SH3PXD2A: variants seen among roughly 807,000 people sequenced by gnomAD.
The protein encoded by SH3PXD2A is SH3 and PX domain-containing protein 2A.
SH3PXD2A carries 32 observed loss-of-function variants against 115.2 expected under a neutral mutation model. That is an observed-to-expected ratio of 0.28 (90% CI 0.21 to 0.37). The LOEUF (loss-of-function observed/expected upper bound fraction) is 0.37, where lower values mean the gene tolerates loss of function less well. Ranked by LOEUF, SH3PXD2A falls within the 10% of genes least tolerant of loss-of-function variation. The probability of loss-of-function intolerance (pLI) is 1.00; values close to 1 mark genes in which losing one functional copy is unlikely to be tolerated. For synonymous variants in SH3PXD2A, 610 were observed against 629.1 expected, an observed-to-expected ratio of 0.97 and a Z score of 0.45; for missense variants, 1,328 against 1,498.7, an observed-to-expected ratio of 0.89 and a Z score of 1.88.
intron 3 of SH3PXD2A, among the ~76,000 whole-genome samples, chr10:103,752,787 T>C (rs2038593476): frequency 6.6e-6 from 1 of 152,236 alleles, no homozygotes; most frequent in African/African-American, 2.4e-5. Flanking sequence ...ATATCTGTGA[T>C]GATTATCATT....
At chr10:103,711,754 T>C (rs1249312428) in intron 5 of SH3PXD2A, among the ~76,000 whole-genome samples, 1 of 152,122 alleles carries the variant, frequency 6.6e-6, no homozygotes, top group Non-Finnish European at 1.5e-5. Context: ...TTTGGAAGAA[T>C]ATAAAATGTC....
intron 1 of SH3PXD2A, among the ~76,000 whole-genome samples, chr10:103,832,370 G>GAAAAA (rs58886791): frequency 1.6e-5 from 2 of 128,046 alleles, no homozygotes; most frequent in African/African-American, 3.0e-5. Flanking sequence ...AACCTAAAAA[G>GAAAAA]AAAAAAAAAA....
Position 103,738,887 on chromosome 10 carries a change from C to T in SH3PXD2A, c.230-3079G>A, listed in dbSNP as rs554944936. Among the ~76,000 whole-genome samples, 166 of 152,040 alleles carry T rather than the reference C, an allele frequency of 1.1e-3. 1 individual carries two copies. The South Asian group carries it at 0.012, about 11-fold the overall frequency. ...TCAGCTCACTGCAGCCTCTGCCTCC[C>T]GGGTTCAAGCAATTCTCCTACTTCA... is the stretch of plus-strand genomic sequence containing the variant. On this transcript the variant is annotated intron_variant, in intron 3 of 14. Transcript: ENST00000369774.
chr10:103,758,668 C>T (rs2038667843), intron 3 of SH3PXD2A, among the ~76,000 whole-genome samples: 1 of 152,182 alleles, frequency 6.6e-6, no homozygotes, highest in African/African-American at 2.4e-5. Flanking sequence ...TGAAAACTGC[C>T]CGTCCAGATT....
Position 103,622,536 on chromosome 10 carries a change from C to A in SH3PXD2A, c.736G>T (p.Ala246Ser). Residue 246 changes from alanine to serine, a missense_variant, in exon 10 of 15, where the codon GCC (alanine) becomes TCC (serine). Ala to Ser is a moderately conservative substitution (Grantham distance 99). Around this residue, in one of 5 missense-constraint regions of SH3PXD2A, gnomAD observed 509 missense variants for 628.3 expected, o/e 0.81. Coordinates refer to ENST00000369774, the MANE Select transcript of SH3PXD2A (RefSeq NM_001394015.1). The stretch of plus-strand genomic sequence containing the variant: ...CGGCGATCCAGGCGCCGCAGATGGG[C>A]CTTGCGTCTCTTGGACACTGGTGTG... ...KTGEVSKRRK[A>S]HLRRLDRRWT... 1 of 1,550,202 alleles carries A rather than the reference C, an allele frequency of 6.5e-7. No homozygotes were observed. The highest frequency in any genetic ancestry group is 8.7e-7 in the Non-Finnish European group (1 of 1,146,758).
rs748881031 is a variant in SH3PXD2A at position 103,603,272 on chromosome 10, G to T, written c.1946C>A (p.Ser649Ter). The change falls in exon 15 of 15, where the codon TCG becomes TAG. Residue 649 changes from serine (S) to a stop codon, truncating the protein, a stop_gained. Coordinates refer to ENST00000369774, the MANE Select transcript of SH3PXD2A (RefSeq NM_001394015.1). LOFTEE classifies it high-confidence loss of function. Reference sequence around the variant, plus strand: ...GGAGTTTTTCCTGGTCAGGGACAGCGAGGAGCTGCCTGGGGAGTCGCTGTC... The same window carrying T: ...GGAGTTTTTCCTGGTCAGGGACAGCTAGGAGCTGCCTGGGGAGTCGCTGTC... ...SGDSDSPGSS[S>*]LSLTRKNSPK... 1 of 1,614,068 alleles carries T rather than the reference G, an allele frequency of 6.2e-7. No individual in the cohort carries two copies. The highest frequency in any genetic ancestry group is 8.5e-7 in the Non-Finnish European group (1 of 1,180,008).
intron 8 of SH3PXD2A, among the ~76,000 whole-genome samples, chr10:103,629,628 T>A (rs920440459): frequency 2.0e-5 from 3 of 152,210 alleles, no homozygotes; most frequent in African/African-American, 7.2e-5. Flanking sequence ...TGTTCTGACA[T>A]TTGGATAAAC....
intron 2 of SH3PXD2A, among the ~76,000 whole-genome samples, chr10:103,788,638 G>A (rs150677163): frequency 0.013 from 1,956 of 152,208 alleles, 51 homozygotes; most frequent in African/African-American, 0.045. Flanking sequence ...AGGCCGAGAC[G>A]GGCGGATCAC....
intron 11 of SH3PXD2A, among the ~76,000 whole-genome samples, chr10:103,614,569 C>T (rs2036479525): frequency 6.6e-6 from 1 of 152,222 alleles, no homozygotes; most frequent in Non-Finnish European, 1.5e-5. Flanking sequence ...TCGATGACTT[C>T]TGAAAACAAG....
chr10:103,757,719 G>A (rs1165810639), intron 3 of SH3PXD2A, among the ~76,000 whole-genome samples: 1 of 152,206 alleles, frequency 6.6e-6, no homozygotes, highest in Non-Finnish European at 1.5e-5. Flanking sequence ...AGTCTGGAAG[G>A]TAGTGACAGT....
At chr10:103,798,952 C>G (rs1225674073) in intron 2 of SH3PXD2A, among the ~76,000 whole-genome samples, 1 of 152,228 alleles carries the variant, frequency 6.6e-6, no homozygotes, top group African/African-American at 2.4e-5. Context: ...CTGCTAACAC[C>G]AGGCAACTCA....
At chr10:103,810,938 ACAGGCGCGCGCGCG>A (rs1445700274) in intron 1 of SH3PXD2A, among the ~76,000 whole-genome samples, 5 of 4,366 alleles carry the variant, frequency 1.1e-3, no homozygotes, top group Admixed American at 2.7e-3. Flanking sequence ...ACACATGGAC[ACAGGCGCGCGCGCG>A]CACACACACA....
rs759297756 is a variant in SH3PXD2A at position 103,693,042 on chromosome 10, G to C, written c.413C>G (p.Ser138Cys). 1 of 1,613,428 alleles carries C rather than the reference G, an allele frequency of 6.2e-7. No homozygotes were observed. The highest frequency in any genetic ancestry group is 8.5e-7 in the Non-Finnish European group (1 of 1,179,644). The change falls in exon 6 of 15, where the codon TCC becomes TGC. Residue 138 changes from serine to cysteine, a missense_variant. This residue lies in a region of SH3PXD2A where 90 missense variants were observed against 71.1 expected (regional missense o/e 1.27). Coordinates refer to ENST00000369774, the MANE Select transcript of SH3PXD2A (RefSeq NM_001394015.1). ...GGCTCCCTTACCTGATTTCCTCTTG[G>C]AACTGCCATAGTCCCTGAAAAAGAA... is the stretch of plus-strand genomic sequence containing the variant. ...VNPPKEDYGS[S>C]KRKSVWLSSW...
chr10:103,633,997 G>A (rs974579162), intron 8 of SH3PXD2A, among the ~76,000 whole-genome samples: 2 of 152,286 alleles, frequency 1.3e-5, no homozygotes, highest in East Asian at 3.9e-4. Context: ...TGCCCAGCGG[G>A]CCCCTGTGCC....
In SH3PXD2A at chr10:103,666,648, G is replaced by A. The variant is rs7917107; in HGVS notation, c.472+1960C>T. 0.049 allele frequency among the ~76,000 whole-genome samples: 7,450 copies of A among 152,310 alleles called. 584 individuals carry two copies. The highest frequency in any genetic ancestry group is 0.17 in the African/African-American group (6,982 of 41,540). On this transcript the variant is annotated intron_variant, in intron 7 of 14. Coordinates refer to ENST00000369774, the MANE Select transcript of SH3PXD2A (RefSeq NM_001394015.1). The surrounding 1 kb of genome is among the most constrained non-coding windows in gnomAD (Gnocchi z 4.5). Reference sequence around the variant, plus strand: ...AGCTCTGAGATCCTGGGGAGGACACGTAACCTCTCTTGAGCTTTAGTGTCA... The same window carrying A: ...AGCTCTGAGATCCTGGGGAGGACACATAACCTCTCTTGAGCTTTAGTGTCA...
rs1286369468 is a variant in SH3PXD2A at position 103,601,168 on chromosome 10, A to AGAT, written c.*645_*647dup. 1 of 152,286 alleles carries AGAT rather than the reference A, an allele frequency of 6.6e-6. No individual in the cohort carries two copies. The highest frequency in any genetic ancestry group is 1.5e-5 in the Non-Finnish European group (1 of 68,084). 9.4% of individuals were successfully genotyped at this position (152,286 alleles called of 1,614,324 possible). ...AGGCCAAGACAGTGACAGTTATGAA[A>AGAT]GATGGTCTTTGCTGGCACCTGGGAA... On this transcript the variant is annotated 3_prime_UTR_variant, in exon 15 of 15. Transcript: ENST00000369774.
At chr10:103,809,868 T>C (rs1688963019) in intron 1 of SH3PXD2A, among the ~76,000 whole-genome samples, 1 of 151,604 alleles carries the variant, frequency 6.6e-6, no homozygotes, top group South Asian at 2.1e-4. Context: ...TTTAGTATTT[T>C]AGTAGAGATG....
chr10:103,748,250 C>A (rs1012103756), intron 3 of SH3PXD2A, among the ~76,000 whole-genome samples: 4 of 152,194 alleles, frequency 2.6e-5, no homozygotes, highest in African/African-American at 4.8e-5. Context: ...AAGTTGAGTG[C>A]CCCGCCCAGG....
At chr10:103,824,159 T>C (rs1009097049) in intron 1 of SH3PXD2A, among the ~76,000 whole-genome samples, 1 of 152,184 alleles carries the variant, frequency 6.6e-6, no homozygotes, top group African/African-American at 2.4e-5. Context: ...ACCCTCCTTC[T>C]GCAGAAACCT....
Sources: gnomAD v4.1 joint callset for allele counts (sites outside exome capture counted in the v4.1 genomes callset) on GRCh38, gnomAD v4.1.1 for gene constraint, gnomAD v4.1.1 regional missense constraint, Gnocchi (gnomAD v3.1) non-coding constraint, MANE v1.5 for transcripts, NCBI Gene and HGNC (gene_info 2026-07-23, HGNC 2026-07-21) for gene names.